The following SETD5 variants were observed in gnomAD, a reference collection of about 807,000 sequenced individuals.
The protein encoded by SETD5 is histone-lysine N-methyltransferase SETD5.
Under a neutral mutation model 153.3 loss-of-function variants are expected in SETD5, and 44 were observed. That is an observed-to-expected ratio of 0.29 (90% confidence interval 0.23 to 0.37). The LOEUF (loss-of-function observed/expected upper bound fraction) is 0.37. Ranked by LOEUF, SETD5 falls within the 10% of genes least tolerant of loss-of-function variation. The pLI is 1.00. For missense variants in SETD5, 1,544 were observed against 1,768.0 expected, an observed-to-expected ratio of 0.87 and a Z score of 2.27; for synonymous variants, 716 against 645.2, an observed-to-expected ratio of 1.11 and a Z score of -1.66.
rs376821559 is a variant in SETD5 at position 9,445,965 on chromosome 3, G to GTTTTTTTTTTTTTTT, written c.1524+234_1524+248dup. Among the ~76,000 whole-genome samples the GTTTTTTTTTTTTTTT allele has an allele frequency of 6.0e-4, 52 of 86,458 alleles. 3 individuals carry two copies. The highest frequency in any genetic ancestry group is 2.4e-3 in the African/African-American group (51 of 21,376). 56.7% of individuals were successfully genotyped at this position (86,458 alleles called of 152,430 possible). ...TATCTAGTGATGGTTTGAAGAGGTT[G>GTTTTTTTTTTTTTTT]TTTTTTTTTTTTTTTTTTTTTTTAC... is the stretch of plus-strand genomic sequence containing the variant. On this transcript the variant is annotated intron_variant, in intron 13 of 22. Coordinates refer to ENST00000402198, the MANE Select transcript of SETD5 (RefSeq NM_001080517.3).
At chr3:9,466,879 C>G (rs1465289633) in intron 18 of SETD5, among the ~76,000 whole-genome samples, 1 of 151,970 alleles carries the variant, frequency 6.6e-6, no homozygotes, top group East Asian at 1.9e-4. Flanking sequence ...AAATACAAAA[C>G]TTAGCCAGGT....
chr3:9,403,054 A>G (rs187185470), intron 1 of SETD5, among the ~76,000 whole-genome samples: 41 of 152,212 alleles, frequency 2.7e-4, no homozygotes, highest in Middle Eastern at 6.8e-3. Context: ...CAGGGAGGCA[A>G]TGTTGGTGGG....
At chr3:9,399,087 G>A (rs989938571) in intron 1 of SETD5, among the ~76,000 whole-genome samples, 1 of 152,148 alleles carries the variant, frequency 6.6e-6, no homozygotes, top group Non-Finnish European at 1.5e-5. Context: ...GGTACTGAAC[G>A]AATCCCCAAG....
chr3:9,473,381 G>A lies in SETD5; in HGVS notation c.3341G>A (p.Gly1114Asp), dbSNP rs201189533. The change falls in exon 20 of 23, where the codon GGT becomes GAT. Residue 1114 changes from glycine (G) to aspartate (D), a missense_variant. Physicochemically the swap from Gly to Asp is moderately conservative, Grantham distance 94 (BLOSUM62 -1). Around this residue, in one of 9 missense-constraint regions of SETD5, gnomAD observed 93 missense variants for 93.4 expected, o/e 1.00. Coordinates refer to ENST00000402198, the MANE Select transcript of SETD5 (RefSeq NM_001080517.3). ...TCCGTTTCCGACACTGGTGCCCATGGTGTGCAGGGATCCTCAGCCCGAACT... is the reference window on the plus strand; with the variant it reads ...TCCGTTTCCGACACTGGTGCCCATGATGTGCAGGGATCCTCAGCCCGAACT... ...SNSVSDTGAHGVQGSSARTPS... is the reference protein window; with the variant it reads ...SNSVSDTGAHDVQGSSARTPS... The A allele has an allele frequency of 1.4e-4, 227 of 1,613,958 alleles. 1 individual carries two copies. The highest frequency in any genetic ancestry group is 5.0e-4 in the Middle Eastern group (3 of 6,060).
chr3:9,474,027 T>C (rs1266430877), intron 20 of SETD5, among the ~76,000 whole-genome samples: 4 of 152,084 alleles, frequency 2.6e-5, no homozygotes, highest in African/African-American at 9.7e-5. Context: ...ATGTGTGAAA[T>C]AGAGAATGAA....
chr3:9,421,056 G>T (rs2038315500), intron 1 of SETD5, among the ~76,000 whole-genome samples: 1 of 151,234 alleles, frequency 6.6e-6, no homozygotes, highest in Non-Finnish European at 1.5e-5. Context: ...AGCACAACAG[G>T]TATTTTTTTT....
In SETD5 at chr3:9,447,676, A is replaced by G. The variant is rs747828400; in HGVS notation, c.1783-10A>G. 35 of 1,611,398 alleles carry G rather than the reference A, an allele frequency of 2.2e-5. No homozygotes were observed. The Admixed American group carries it at 2.3e-4, about 11-fold the overall frequency. On this transcript the variant is annotated splice_polypyrimidine_tract_variant and intron_variant, in intron 14 of 22. Coordinates refer to ENST00000402198, the MANE Select transcript of SETD5 (RefSeq NM_001080517.3). ...TTTCTGGTAAGCATCTGACCCTACT[A>G]TTGCTACAGGATATTGCTGCAGAAA...
In SETD5 at chr3:9,426,212, CCTTTTTTTT is replaced by C. The variant is rs1348601477; in HGVS notation, c.-117+1687_-117+1695del. ...CTAAAGGCAAAAAAGTTCATCAGTC[CCTTTTTTTT>C]TTTTTTTTTTTTTTTTTTTTTTTTT... On this transcript the variant is annotated intron_variant, in intron 2 of 22. Coordinates refer to ENST00000402198, the MANE Select transcript of SETD5 (RefSeq NM_001080517.3). 2.3e-3 allele frequency: 194 copies of C among 84,136 alleles called. 42 individuals are homozygous for C. Among genetic ancestry groups the C allele is most frequent in the African/African-American group, 6.5e-3 (161 of 24,900 alleles). 5.2% of individuals were successfully genotyped at this position (84,136 alleles called of 1,614,324 possible).
chr3:9,454,696 TA>T (rs1167115767), intron 17 of SETD5, among the ~76,000 whole-genome samples: 2 of 151,490 alleles, frequency 1.3e-5, no homozygotes, highest in Non-Finnish European at 2.9e-5. Flanking sequence ...TGTGCATTTT[TA>T]AACTAGATGT....
intron 22 of SETD5, 45 bp from the exon 23 acceptor site, chr3:9,475,438 G>A: frequency 6.4e-7 from 1 of 1,565,338 alleles, no homozygotes; most frequent in African/African-American, 1.4e-5. Flanking sequence ...AGCCATTTAA[G>A]GGACTTGTTC....
chr3:9,471,365 C>T (rs1206026955), intron 19 of SETD5, among the ~76,000 whole-genome samples: 1 of 152,202 alleles, frequency 6.6e-6, no homozygotes, highest in Non-Finnish European at 1.5e-5. Flanking sequence ...GGATACTACC[C>T]AGTTTGAGAG....
chr3:9,412,643 C>T (rs1473313065), intron 1 of SETD5, among the ~76,000 whole-genome samples: 1 of 151,850 alleles, frequency 6.6e-6, no homozygotes, highest in African/African-American at 2.4e-5. Context: ...AACTCCTGGC[C>T]TCAAGTGGTC....
intron 21 of SETD5, 24 bp downstream of exon 21, chr3:9,474,606 C>G (rs2045660132): frequency 6.2e-7 from 1 of 1,611,818 alleles, no homozygotes; most frequent in South Asian, 1.1e-5. Flanking sequence ...CTTCTGCTGC[C>G]ACCACATTCA....
At position 9,473,416 on chromosome 3, in the gene SETD5, C is replaced by T; in HGVS notation, c.3376C>T (p.Pro1126Ser). Residue 1126 changes from proline (P) to serine (S), a missense_variant, in exon 20 of 23, where the codon CCT becomes TCT. Around this residue, in one of 9 missense-constraint regions of SETD5, gnomAD observed 93 missense variants for 93.4 expected, o/e 1.00. Transcript: ENST00000402198. ...QGSSARTPSS[P>S]HKKFSPSHSS... is the part of the protein sequence containing the mutation. ...ATCCTCAGCCCGAACTCCATCTTCC[C>T]CTCACAAAAAATTCTCCCCATCTCA... 6.2e-7 allele frequency: 1 copy of T among 1,613,932 alleles called. No individual in the cohort carries two copies. Among genetic ancestry groups the T allele is most frequent in the Non-Finnish European group, 8.5e-7 (1 of 1,179,884 alleles).
chr3:9,448,242 A>T (rs1265288269), intron 15 of SETD5, 146 bp from the exon 16 acceptor site: 3 of 1,312,548 alleles, frequency 2.3e-6, no homozygotes, highest in Non-Finnish European at 3.1e-6. Flanking sequence ...AGGGTGAAGG[A>T]AGATATCCTT....
chr3:9,434,556 C>T lies in SETD5; in HGVS notation c.329+71C>T. The T allele has an allele frequency of 3.8e-6, 6 of 1,597,488 alleles. No individual in the cohort carries two copies. Among genetic ancestry groups the T allele is most frequent in the Non-Finnish European group, 5.1e-6 (6 of 1,171,490 alleles). Reference sequence around the variant, plus strand: ...AGGGTTTCTTACAAGTAGGGAAAAGCTCAAAGTATTCTTTCTTGTGTTTGT... The same window carrying T: ...AGGGTTTCTTACAAGTAGGGAAAAGTTCAAAGTATTCTTTCTTGTGTTTGT... On this transcript the variant is annotated intron_variant, in intron 5 of 22. Transcript: ENST00000402198. This position sits in a 1 kb window ranked among gnomAD's most constrained non-coding sequence, Gnocchi z 5.6.
intron 18 of SETD5, among the ~76,000 whole-genome samples, chr3:9,469,339 A>G (rs901379681): frequency 1.3e-4 from 20 of 152,214 alleles, no homozygotes; most frequent in Non-Finnish European, 2.9e-5. Context: ...ATTTAGTAAC[A>G]TTAACTCTGA....
chr3:9,402,881 G>C lies in SETD5; in HGVS notation c.-177+4904G>C, dbSNP rs984263734. On this transcript the variant is annotated intron_variant, in intron 1 of 22. Transcript: ENST00000402198. Reference sequence around the variant, plus strand: ...AGATGGAAGCATGGGAGGAGCCAGAGACCTCTGCAGCAGGATTTGGTCTAA... The same window carrying C: ...AGATGGAAGCATGGGAGGAGCCAGACACCTCTGCAGCAGGATTTGGTCTAA... Among the ~76,000 whole-genome samples the C allele has an allele frequency of 2.6e-5, 4 of 152,328 alleles. 1 individual carries two copies. The South Asian group carries it at 6.2e-4, about 24-fold the overall frequency.
At position 9,433,918 on chromosome 3, in the gene SETD5, C is replaced by G. The variant is rs566745416; in HGVS notation, c.145C>G (p.Gln49Glu). 6.2e-7 allele frequency: 1 copy of G among 1,613,914 alleles called. No individual in the cohort carries two copies. Among genetic ancestry groups the G allele is most frequent in the East Asian group, 2.2e-5 (1 of 44,872 alleles). ...VYSTHNYGTT[Q>E]RHGCRGLPYA... ...TTCCACTCATAATTATGGGACCACT[C>G]AGAGGCATGGGTGTCGAGGACTGCC... The change falls in exon 4 of 23, where the codon CAG becomes GAG. Residue 49 changes from glutamine to glutamate, a missense_variant. Gln to Glu is a conservative substitution (Grantham distance 29). Coordinates refer to ENST00000402198, the MANE Select transcript of SETD5 (RefSeq NM_001080517.3).
Sources: gnomAD v4.1 joint callset for allele counts (sites outside exome capture counted in the v4.1 genomes callset) on GRCh38, gnomAD v4.1.1 for gene constraint, gnomAD v4.1.1 regional missense constraint, Gnocchi (gnomAD v3.1) non-coding constraint, MANE v1.5 for transcripts, NCBI Gene and HGNC (gene_info 2026-07-23, HGNC 2026-07-21) for gene names.